The following CAPN11 variants were observed in gnomAD, a reference collection of about 807,000 sequenced individuals.
CAPN11 encodes the protein calpain 11.
In CAPN11, 108 loss-of-function variants were observed where a neutral mutation model predicts 105.3. That is an observed-to-expected ratio of 1.03 (90% CI 0.88 to 1.20). The LOEUF (loss-of-function observed/expected upper bound fraction) is 1.20. Among genes scored for constraint, CAPN11 ranks in the 50% most tolerant of loss-of-function variants. The pLI is 0.00. For missense variants in CAPN11, 883 were observed against 924.8 expected (o/e 0.95, Z 0.59); for synonymous variants, 329 against 344.5 (o/e 0.96, Z 0.50).
At position 44,181,490 on chromosome 6, in the gene CAPN11, C is replaced by CTCA. The variant is rs1561853982; in HGVS notation, c.1938+170_1938+171insTCA. Among the ~76,000 whole-genome samples, 55 of 47,808 alleles carry CTCA rather than the reference C, an allele frequency of 1.2e-3. 2 individuals are homozygous for CTCA. The highest frequency in any genetic ancestry group is 2.2e-3 in the South Asian group (3 of 1,380). The allele number at this position is 47,808 out of a possible 152,430, so 31.4% of individuals were successfully genotyped here. ...ACACTCACATACAGACACAACCACA[C>CTCA]CACACACACACACACACACTCACAT... is the stretch of plus-strand genomic sequence containing the variant. On this transcript the variant is annotated intron_variant, in intron 19 of 22. Coordinates refer to ENST00000398776, the MANE Select transcript of CAPN11 (RefSeq NM_007058.4).
At chr6:44,183,648 CTTT>C in intron 21 of CAPN11, 54 bp from the exon 22 acceptor site, 9 of 1,556,886 alleles carry the variant, frequency 5.8e-6, no homozygotes, top group Non-Finnish European at 7.9e-6. Context: ...GGGAGTGGTT[CTTT>C]CGGAACACTG....
At chr6:44,160,534 G>A (rs921179681) in intron 1 of CAPN11, among the ~76,000 whole-genome samples, 1 of 151,818 alleles carries the variant, frequency 6.6e-6, no homozygotes, top group Non-Finnish European at 1.5e-5. Context: ...GGAGAATAGC[G>A]TGAACCCAGA....
At position 44,179,302 on chromosome 6, in the gene CAPN11, ATT is replaced by A. The variant is rs112784503; in HGVS notation, c.1417-302_1417-301del. Among the ~76,000 whole-genome samples, 321 of 143,898 alleles carry A rather than the reference ATT, an allele frequency of 2.2e-3. 1 individual carries two copies. Among genetic ancestry groups the A allele is most frequent in the African/African-American group, 7.5e-3 (294 of 39,006 alleles). 94.4% of individuals were successfully genotyped at this position (143,898 alleles called of 152,430 possible). Reference sequence around the variant, plus strand: ...TACTTTCCTATCCAAAGCTGAAGGAATTTTTTTTTTTTTTTTGAGACAGGGTC... The same window carrying A: ...TACTTTCCTATCCAAAGCTGAAGGAATTTTTTTTTTTTTTGAGACAGGGTC... On this transcript the variant is annotated intron_variant, in intron 12 of 22. Transcript: ENST00000398776.
chr6:44,182,306 C>CACACACACACACAT (rs1554132531), intron 19 of CAPN11, among the ~76,000 whole-genome samples: 1 of 66,612 alleles, frequency 1.5e-5, no homozygotes, highest in Admixed American at 1.4e-4. Context: ...CACACACACA[C>CACACACACACACAT]ACACACTCAC....
chr6:44,176,017 C>T, intron 7 of CAPN11, 51 bp from the exon 8 acceptor site: 1 of 1,264,976 alleles, frequency 7.9e-7, no homozygotes, highest in African/African-American at 1.5e-5. Flanking sequence ...CAGTCCAGGT[C>T]CTCCATGCCC....
In CAPN11 at chr6:44,165,500, G is replaced by A. The variant is rs11754636; in HGVS notation, c.17-1258G>A. On this transcript the variant is annotated intron_variant, in intron 1 of 22. Transcript: ENST00000398776. ...GCTCTGCACAGGGGCAGCCCCTATC[G>A]CGGGCTGTGTGGAGGAGGACAGGAG... 6.0e-3 allele frequency among the ~76,000 whole-genome samples: 909 copies of A among 152,302 alleles called. 7 individuals are homozygous for A. The highest frequency in any genetic ancestry group is 8.5e-3 in the Non-Finnish European group (578 of 68,020).
chr6:44,176,674 G>T lies in CAPN11; in HGVS notation c.1076+19G>T. On this transcript the variant is annotated intron_variant, in intron 10 of 22. Transcript: ENST00000398776. ...AGTTCTGGTCAGTGTGGCTTGGGGT[G>T]GGCTTCTTACCACCACCCTAGGCCC... 1 of 1,580,140 alleles carries T rather than the reference G, an allele frequency of 6.3e-7. No homozygotes were observed. The highest frequency in any genetic ancestry group is 8.6e-7 in the Non-Finnish European group (1 of 1,160,054).
chr6:44,171,928 G>A (rs906583932), intron 4 of CAPN11, among the ~76,000 whole-genome samples: 5 of 152,086 alleles, frequency 3.3e-5, no homozygotes, highest in Admixed American at 2.0e-4. Context: ...TAGCCAGGTG[G>A]GGTGGCGGGC....
chr6:44,169,669 G>A, intron 3 of CAPN11, 138 bp downstream of exon 3: 6 of 1,006,372 alleles, frequency 6.0e-6, no homozygotes, highest in Non-Finnish European at 8.7e-6. Context: ...CTTCATCAGA[G>A]CTGGGGACAG....
rs868163140 is a variant in CAPN11, at chr6:44,179,628, G to A, written c.1426G>A (p.Glu476Lys). The change falls in exon 13 of 23, where the codon GAG (glutamate) becomes AAG (lysine). Residue 476 changes from glutamate (E) to lysine (K), a missense_variant and splice_region_variant. By Grantham distance (56) the Glu-to-Lys change is moderately conservative (BLOSUM62 1). Coordinates refer to ENST00000398776, the MANE Select transcript of CAPN11 (RefSeq NM_007058.4). ...TTTCTTCCCTTCCCAGGTCCCAAAAGAGGTACAGAAGATAAAGATGTGGGG... is the reference window on the plus strand; with the variant it reads ...TTTCTTCCCTTCCCAGGTCCCAAAAAAGGTACAGAAGATAAAGATGTGGGG... ...IGFVLYAVPK[E>K]FQNIQDVHLK... The A allele has an allele frequency of 6.2e-7, 1 of 1,613,290 alleles. No homozygotes were observed. The highest frequency in any genetic ancestry group is 8.5e-7 in the Non-Finnish European group (1 of 1,179,410).
In CAPN11 at chr6:44,183,129, GAAC is replaced by G. The variant is rs759601369; in HGVS notation, c.2034_2036del (p.Asn678del). On this transcript the variant is annotated inframe_deletion, in exon 21 of 23. Coordinates refer to ENST00000398776, the MANE Select transcript of CAPN11 (RefSeq NM_007058.4). ...CTCTCCCTCTCTCAGGCATCAAGCTGAACAACAAGGTAATGCAGGTCCTGGTGG... is the reference window on the plus strand; with the variant it reads ...CTCTCCCTCTCTCAGGCATCAAGCTGAACAAGGTAATGCAGGTCCTGGTGG... The G allele has an allele frequency of 6.2e-6, 10 of 1,612,504 alleles. No individual in the cohort carries two copies. In the African/African-American group the frequency reaches 6.7e-5, roughly 11 times the overall value.
rs1271398160 is a variant in CAPN11, at chr6:44,158,840, G to A, written c.-9G>A. The A allele has an allele frequency of 3.2e-6, 5 of 1,551,236 alleles. No individual in the cohort carries two copies. Among genetic ancestry groups the A allele is most frequent in the Non-Finnish European group, 3.5e-6 (4 of 1,146,808 alleles). On this transcript the variant is annotated 5_prime_UTR_variant, in exon 1 of 23. Transcript: ENST00000398776. ...CCTTCAACTGTCAAGCACCGAGCTA[G>A]CCACCAGCATGCTGTACTCCCCAGG...
chr6:44,182,816 C>A (rs1367172530), intron 19 of CAPN11, 125 bp from the exon 20 acceptor site: 1 of 673,506 alleles, frequency 1.5e-6, no homozygotes, highest in Non-Finnish European at 2.7e-6. Flanking sequence ...TCAGATGATC[C>A]GCCTGCCTCG....
intron 4 of CAPN11, among the ~76,000 whole-genome samples, chr6:44,171,564 A>G (rs893889732): frequency 9.2e-5 from 14 of 152,194 alleles, no homozygotes; most frequent in African/African-American, 3.1e-4. Context: ...GCAGTGGCTC[A>G]TACCTGTAAT....
In CAPN11 at chr6:44,183,100, TTC is replaced by T; in HGVS notation, c.2018-12_2018-11del. ...AGGCCCAGACTTTTCCCCTCCCCAC[TTC>T]TCTCTCCCTCTCTCAGGCATCAAGC... On this transcript the variant is annotated splice_polypyrimidine_tract_variant and intron_variant, in intron 20 of 22. Transcript: ENST00000398776. 2 of 1,604,416 alleles carry T rather than the reference TTC, an allele frequency of 1.2e-6. No individual in the cohort carries two copies. Among genetic ancestry groups the T allele is most frequent in the Non-Finnish European group, 1.7e-6 (2 of 1,171,662 alleles).
chr6:44,177,079 A>G, intron 11 of CAPN11, 81 bp downstream of exon 11: 2 of 1,528,314 alleles, frequency 1.3e-6, no homozygotes, highest in Non-Finnish European at 1.8e-6. Flanking sequence ...GACCTGGGGC[A>G]CGAGTCACCG....
chr6:44,159,185 C>G lies in CAPN11; in HGVS notation c.16+321C>G, dbSNP rs140061308. ...TTGGAGTTGGGGAGAGGAGAGGGGCCGGCCATCCCACTGTCATGGCTGCTG... is the reference window on the plus strand; with the variant it reads ...TTGGAGTTGGGGAGAGGAGAGGGGCGGGCCATCCCACTGTCATGGCTGCTG... On this transcript the variant is annotated intron_variant, in intron 1 of 22. Coordinates refer to ENST00000398776, the MANE Select transcript of CAPN11 (RefSeq NM_007058.4). Among the ~76,000 whole-genome samples, 4 of 152,076 alleles carry G rather than the reference C, an allele frequency of 2.6e-5. 1 individual carries two copies. Among genetic ancestry groups the G allele is most frequent in the Non-Finnish European group, 2.9e-5 (2 of 68,006 alleles).
chr6:44,169,403 G>A lies in CAPN11; in HGVS notation c.211G>A (p.Ala71Thr). 6.2e-7 allele frequency: 1 copy of A among 1,613,988 alleles called. No individual in the cohort carries two copies. Among genetic ancestry groups the A allele is most frequent in the Non-Finnish European group, 8.5e-7 (1 of 1,179,886 alleles). The change falls in exon 3 of 23, where the codon GCA becomes ACA. Residue 71 changes from alanine (A) to threonine (T), a missense_variant. Coordinates refer to ENST00000398776, the MANE Select transcript of CAPN11 (RefSeq NM_007058.4). ...FGNQSFEELR[A>T]ACLRKGELFE... Reference sequence around the variant, plus strand: ...TAACCAGAGCTTTGAGGAGCTGCGAGCAGCCTGTCTAAGAAAGGGGGAGCT... The same window carrying A: ...TAACCAGAGCTTTGAGGAGCTGCGAACAGCCTGTCTAAGAAAGGGGGAGCT...
chr6:44,181,080 T>C, intron 18 of CAPN11, 83 bp downstream of exon 18: 1 of 1,315,778 alleles, frequency 7.6e-7, no homozygotes, highest in East Asian at 2.3e-5. Flanking sequence ...GCCAGCCACG[T>C]CCTCCTCCCT....
Sources: allele counts gnomAD v4.1 joint callset (sites outside exome capture counted in the v4.1 genomes callset), GRCh38; gene constraint gnomAD v4.1.1; transcripts MANE v1.5; gene names NCBI Gene and HGNC (gene_info 2026-07-23, HGNC 2026-07-21).